Variants in RAPGEF1 observed in about 807,000 individuals in gnomAD.
RAPGEF1 encodes Rap guanine nucleotide exchange factor 1, also known as CRK SH3-binding GNRP.
In RAPGEF1, 33 loss-of-function variants were observed where a neutral mutation model predicts 143.3. The observed-to-expected ratio is 0.23, with a 90% confidence interval of 0.17 to 0.31. The LOEUF (loss-of-function observed/expected upper bound fraction) is 0.31, where lower values mean the gene tolerates loss of function less well. RAPGEF1 is among the 10% of genes least tolerant of loss of function. RAPGEF1 has a pLI of 1.00. For synonymous variants in RAPGEF1, 629 were observed against 676.5 expected (o/e 0.93, Z 1.09); for missense variants, 1,199 against 1,645.4 (o/e 0.73, Z 4.69).
At chr9:131,657,690 C>T (rs2133577121) in intron 1 of RAPGEF1, among the ~76,000 whole-genome samples, 1 of 152,232 alleles carries the variant, frequency 6.6e-6, no homozygotes. Context: ...GTGTAAACAG[C>T]CCCTGGGGCT....
chr9:131,725,530 C>G (rs1021141379), intron 1 of RAPGEF1: 2 of 152,188 alleles, frequency 1.3e-5, no homozygotes, highest in African/African-American at 4.8e-5. Flanking sequence ...GCTATCAGAG[C>G]TCACTGCAGT....
At position 131,622,010 on chromosome 9, in the gene RAPGEF1, G is replaced by A. The variant is rs1410212979; in HGVS notation, c.1703-12C>T. The A allele has an allele frequency of 1.4e-5, 22 of 1,610,614 alleles. No individual in the cohort carries two copies. In the African/African-American group the frequency reaches 2.0e-4, roughly 15 times the overall value. ...CATGTAGGCCAGCACTGTGAAACAAGGGAGAAAGCTGCAGCGAGGCCGGGG... is the reference window on the plus strand; with the variant it reads ...CATGTAGGCCAGCACTGTGAAACAAAGGAGAAAGCTGCAGCGAGGCCGGGG... On this transcript the variant is annotated splice_polypyrimidine_tract_variant and intron_variant, in intron 10 of 26. Transcript: ENST00000683357.
At chr9:131,693,476 A>G (rs2131037253) in intron 1 of RAPGEF1, among the ~76,000 whole-genome samples, 1 of 152,232 alleles carries the variant, frequency 6.6e-6, no homozygotes, top group South Asian at 2.1e-4. Flanking sequence ...CCAAATCCCC[A>G]AACAGGCCAG....
At chr9:131,680,528 C>T (rs375800558) in intron 1 of RAPGEF1, among the ~76,000 whole-genome samples, 2 of 152,220 alleles carry the variant, frequency 1.3e-5, no homozygotes, top group African/African-American at 2.4e-5. Flanking sequence ...ACACCTGGCC[C>T]ACCCAGGGCA....
intron 1 of RAPGEF1, among the ~76,000 whole-genome samples, chr9:131,708,108 C>A (rs1350776274): frequency 6.6e-6 from 1 of 152,244 alleles, no homozygotes; most frequent in Non-Finnish European, 1.5e-5. Context: ...AGTAAATTAG[C>A]ATCCCACCTA....
intron 1 of RAPGEF1, among the ~76,000 whole-genome samples, chr9:131,737,136 T>C (rs1837470243): frequency 6.6e-6 from 1 of 152,152 alleles, no homozygotes; most frequent in Non-Finnish European, 1.5e-5. Context: ...AGGCTGGACT[T>C]CCAGCCAGCT....
At chr9:131,699,763 C>T (rs998899294) in intron 1 of RAPGEF1, among the ~76,000 whole-genome samples, 9 of 152,136 alleles carry the variant, frequency 5.9e-5, no homozygotes, top group Non-Finnish European at 1.3e-4. Flanking sequence ...TCTGCTGGTG[C>T]TCCCTCATCT....
intron 26 of RAPGEF1, among the ~76,000 whole-genome samples, chr9:131,579,920 G>A (rs1951606574): frequency 6.6e-6 from 1 of 152,220 alleles, no homozygotes. Context: ...CGCATGCCAG[G>A]GCCCGCCCTG....
At chr9:131,646,758 C>T (rs1477560144) in intron 3 of RAPGEF1, among the ~76,000 whole-genome samples, 2 of 151,890 alleles carry the variant, frequency 1.3e-5, no homozygotes, top group African/African-American at 2.4e-5. Flanking sequence ...GGGCAAGTCA[C>T]AATCAGTATA....
intron 1 of RAPGEF1, among the ~76,000 whole-genome samples, chr9:131,664,455 T>C (rs1169086629): frequency 6.6e-6 from 1 of 152,204 alleles, no homozygotes; most frequent in Non-Finnish European, 1.5e-5. Context: ...TATATATCTA[T>C]ATATTTTTAA....
At chr9:131,612,350 G>A (rs1284569589) in intron 12 of RAPGEF1, among the ~76,000 whole-genome samples, 1 of 152,148 alleles carries the variant, frequency 6.6e-6, no homozygotes, top group Non-Finnish European at 1.5e-5. Context: ...GCTGGTCAAG[G>A]GGCACCGATC....
chr9:131,643,564 T>C (rs909449352), intron 3 of RAPGEF1, 147 bp from the exon 4 acceptor site: 1 of 796,780 alleles, frequency 1.3e-6, no homozygotes, highest in South Asian at 1.9e-5. Context: ...ATCATTTTTC[T>C]AAGGATTGTA....
chr9:131,697,433 G>A (rs546339987), intron 1 of RAPGEF1, among the ~76,000 whole-genome samples: 12 of 152,294 alleles, frequency 7.9e-5, no homozygotes, highest in African/African-American at 2.2e-4. Flanking sequence ...CTAAATGAGC[G>A]AAGTGGCTTG....
At position 131,579,272 on chromosome 9, in the gene RAPGEF1, C is replaced by T; in HGVS notation, c.*225G>A. 5.3e-6 allele frequency: 3 copies of T among 565,494 alleles called. No individual in the cohort carries two copies. The highest frequency in any genetic ancestry group is 9.2e-6 in the Non-Finnish European group (3 of 324,478). The allele number at this position is 565,494 out of a possible 1,614,324, so 35.0% of individuals were successfully genotyped here. ...CCGGTTTGTAAATTGGCAACAAGAC[C>T]TGCCTGCTGGCTGCCCTGAGGCCCA... On this transcript the variant is annotated 3_prime_UTR_variant, in exon 27 of 27. Coordinates refer to ENST00000683357, the MANE Select transcript of RAPGEF1 (RefSeq NM_001377935.1).
At chr9:131,596,215 G>A (rs555504427) in intron 17 of RAPGEF1, 83 bp downstream of exon 17, 1 of 1,320,712 alleles carries the variant, frequency 7.6e-7, no homozygotes, top group African/African-American at 1.4e-5. Flanking sequence ...GTGGCTGCCA[G>A]GAGGGGACAG....
At chr9:131,609,777 A>G (rs546386309) in intron 12 of RAPGEF1, among the ~76,000 whole-genome samples, 6 of 152,332 alleles carry the variant, frequency 3.9e-5, no homozygotes, top group African/African-American at 1.4e-4. Flanking sequence ...TCTCACAAGT[A>G]AAATACTTAG....
intron 12 of RAPGEF1, among the ~76,000 whole-genome samples, chr9:131,612,152 T>C (rs973558649): frequency 8.5e-5 from 13 of 152,222 alleles, no homozygotes; most frequent in African/African-American, 2.7e-4. Flanking sequence ...TTACAAGGAA[T>C]GGGGATCCTG....
intron 1 of RAPGEF1, among the ~76,000 whole-genome samples, chr9:131,653,891 T>C (rs1163178063): frequency 6.6e-6 from 1 of 152,264 alleles, no homozygotes; most frequent in Non-Finnish European, 1.5e-5. Flanking sequence ...ATGTCCATGT[T>C]TGTGAATGAC....
chr9:131,598,211 C>G lies in RAPGEF1; in HGVS notation c.2601G>C (p.Thr867=). The part of the protein sequence containing the change: ...IDHNEIMSRL[T]LKQEGDDGPD... ...GGGAAGTTCTCACCTCCTGCTTGAG[C>G]GTCAGCCTGGACATAATTTCGTTGT... is the stretch of plus-strand genomic sequence containing the variant. Residue 867 remains threonine (T), a synonymous_variant, in exon 16 of 27, where the codon ACG becomes ACC. Coordinates refer to ENST00000683357, the MANE Select transcript of RAPGEF1 (RefSeq NM_001377935.1). 6.2e-7 allele frequency: 1 copy of G among 1,613,914 alleles called. No homozygotes were observed.
Sources: gnomAD v4.1 joint callset for allele counts (sites outside exome capture counted in the v4.1 genomes callset) on GRCh38, gnomAD v4.1.1 for gene constraint, MANE v1.5 for transcripts, NCBI Gene and HGNC (gene_info 2026-07-23, HGNC 2026-07-21) for gene names.